Variants in GSS observed in about 807,000 individuals in gnomAD.
The protein encoded by GSS is GSH synthetase.
Under a neutral mutation model 60.4 loss-of-function variants are expected in GSS, and 34 were observed. The ratio of observed to expected loss-of-function variants is 0.56; its 90% confidence interval spans 0.43 to 0.75. The LOEUF (loss-of-function observed/expected upper bound fraction) is 0.75, where lower values mean the gene tolerates loss of function less well. Ranked by LOEUF, GSS falls within the 30% of genes least tolerant of loss-of-function variation. The pLI is 0.00. For missense variants in GSS, 499 were observed against 595.1 expected, an observed-to-expected ratio of 0.84 and a Z score of 1.68; for synonymous variants, 224 against 239.0, an observed-to-expected ratio of 0.94 and a Z score of 0.58.
chr20:34,953,203 C>A (rs890988068), intron 1 of GSS, among the ~76,000 whole-genome samples: 1 of 152,156 alleles, frequency 6.6e-6, no homozygotes, highest in Non-Finnish European at 1.5e-5. Flanking sequence ...TGCCCTGTTG[C>A]CATTTAACAG....
chr20:34,939,179 G>A (rs575973577), intron 6 of GSS, among the ~76,000 whole-genome samples: 2 of 152,306 alleles, frequency 1.3e-5, no homozygotes, highest in African/African-American at 4.8e-5. Context: ...GGTGGAGGAT[G>A]TAGTGAGCCG....
At position 34,932,128 on chromosome 20, in the gene GSS, C is replaced by T. The variant is rs771474268; in HGVS notation, c.840G>A (p.Trp280Ter). 1.9e-6 allele frequency: 3 copies of T among 1,613,214 alleles called. No individual in the cohort carries two copies. The highest frequency in any genetic ancestry group is 3.3e-5 in the Admixed American group (2 of 60,026). ...YMPRQYSLQN[W>*]EARLLLERSH... is the part of the protein sequence containing the mutation. ...ACCTCTCCAGCAGTAGACGTGCTTC[C>T]CAATTCTGCAGAGGGAAGAAGACAA... Residue 280 changes from tryptophan (W) to a stop codon, truncating the protein, a stop_gained, in exon 10 of 13, where the codon TGG becomes TGA. Transcript: ENST00000651619. LOFTEE classifies it high-confidence loss of function.
At chr20:34,947,788 C>G (rs1041342698) in intron 2 of GSS, among the ~76,000 whole-genome samples, 2 of 151,656 alleles carry the variant, frequency 1.3e-5, no homozygotes, top group Non-Finnish European at 2.9e-5. Flanking sequence ...TTTCCTATTA[C>G]CATTAATGTT....
Position 34,928,509 on chromosome 20 carries a change from T to G in GSS, c.*319A>C. 2.2e-6 allele frequency: 1 copy of G among 464,464 alleles called. No individual in the cohort carries two copies. Among genetic ancestry groups the G allele is most frequent in the East Asian group, 4.2e-5 (1 of 23,878 alleles). 28.8% of individuals were successfully genotyped at this position (464,464 alleles called of 1,614,324 possible). A position where few individuals can be genotyped will look rare whatever the true frequency, so the allele number is the denominator to read the frequency against. On this transcript the variant is annotated 3_prime_UTR_variant, in exon 13 of 13. Transcript: ENST00000651619. ...CCTCCACTCCCCCTCCTCCTACCAC[T>G]CAGTCCTATCCCAAGTCAGGCACTG... is the stretch of plus-strand genomic sequence containing the variant.
chr20:34,929,643 C>T, intron 11 of GSS, 53 bp from the exon 12 acceptor site: 2 of 1,512,108 alleles, frequency 1.3e-6, no homozygotes, highest in South Asian at 1.1e-5. Context: ...TCCTCCATCC[C>T]ATGCCCTCAC....
intron 1 of GSS, chr20:34,952,093 C>A: frequency 1.7e-6 from 1 of 571,586 alleles, no homozygotes; most frequent in Admixed American, 2.6e-5. Context: ...TGATTCCCAA[C>A]ACAATGGCAT....
In GSS at chr20:34,928,730, T is replaced by A; in HGVS notation, c.*98A>T. 1 of 1,390,934 alleles carries A rather than the reference T, an allele frequency of 7.2e-7. No homozygotes were observed. The allele number at this position is 1,390,934 out of a possible 1,614,324, so 86.2% of individuals were successfully genotyped here. A position where few individuals can be genotyped will look rare whatever the true frequency, so the allele number is the denominator to read the frequency against. On this transcript the variant is annotated 3_prime_UTR_variant, in exon 13 of 13. Coordinates refer to ENST00000651619, the MANE Select transcript of GSS (RefSeq NM_000178.4). ...GAAGGTACCAGTATTTACCCTTCCA[T>A]AAAAACTTTGGAGGTCTTTAGGAGG... is the stretch of plus-strand genomic sequence containing the variant.
chr20:34,929,557 G>T lies in GSS; in HGVS notation c.1145C>A (p.Ala382Asp), dbSNP rs1232815038. 8 of 1,614,014 alleles carry T rather than the reference G, an allele frequency of 5.0e-6. No homozygotes were observed. The highest frequency in any genetic ancestry group is 2.2e-5 in the East Asian group (1 of 44,866). ...NNLYGEEMVQ[A>D]LKQLKDSEER... is the part of the protein sequence containing the mutation. ...CTCACTGTCCTTCAGCTGTTTCAGG[G>T]CCTGTACCATTTCCTCCCCATATAG... Residue 382 changes from alanine to aspartate, a missense_variant, in exon 12 of 13, where the codon GCC becomes GAC. Transcript: ENST00000651619.
intron 2 of GSS, among the ~76,000 whole-genome samples, chr20:34,948,636 T>C (rs1310250308): frequency 6.6e-6 from 1 of 151,954 alleles, no homozygotes; most frequent in Non-Finnish European, 1.5e-5. Context: ...ATACAAAAAT[T>C]AGCTGGGCGT....
rs764348562 is a variant in GSS, at chr20:34,945,934, A to G, written c.275+19T>C. 61 of 1,613,430 alleles carry G rather than the reference A, an allele frequency of 3.8e-5. No homozygotes were observed. The highest frequency in any genetic ancestry group is 3.0e-4 in the Admixed American group (18 of 60,006). Reference sequence around the variant, plus strand: ...GGCTCTGGCAGCTCCTGGCCCCCCAATGCTTCACTGTCCCCTACCTGGAAA... The same window carrying G: ...GGCTCTGGCAGCTCCTGGCCCCCCAGTGCTTCACTGTCCCCTACCTGGAAA... On this transcript the variant is annotated intron_variant, in intron 3 of 12. Transcript: ENST00000651619.
chr20:34,953,546 TCCCTTC>T (rs200093867), intron 1 of GSS, among the ~76,000 whole-genome samples: 1,910 of 151,320 alleles, frequency 0.013, 17 homozygotes, highest in Non-Finnish European at 0.018. Flanking sequence ...CCTTTCCCTT[TCCCTTC>T]CCTCCTTCTT....
rs769034525 is a variant in GSS, at chr20:34,936,787, A to G, written c.743T>C (p.Leu248Pro). The change falls in exon 8 of 13, where the codon CTG becomes CCG. Residue 248 changes from leucine (L) to proline (P), a missense_variant. Leu to Pro is a moderately conservative substitution (Grantham distance 98). Coordinates refer to ENST00000651619, the MANE Select transcript of GSS (RefSeq NM_000178.4). ...TFEDISEKGS[L>P]DQDRRLFVDG... The stretch of plus-strand genomic sequence containing the variant: ...CACAAACAGCCTTCGGTCTTGGTCC[A>G]GAGACCCCTTTTCAGAGATATCTTC... 1 of 1,614,014 alleles carries G rather than the reference A, an allele frequency of 6.2e-7. No individual in the cohort carries two copies. The highest frequency in any genetic ancestry group is 1.7e-5 in the Admixed American group (1 of 60,028).
At chr20:34,942,393 A>G in intron 5 of GSS, 95 bp downstream of exon 5, 1 of 1,217,650 alleles carries the variant, frequency 8.2e-7, no homozygotes, top group Non-Finnish European at 1.2e-6. Context: ...CCAGGAAAGC[A>G]CAATCATAGC....
chr20:34,942,537 T>C lies in GSS; in HGVS notation c.442A>G (p.Ile148Val). ...PALKQIEINTISASFGGLASR... is the reference protein window; with the variant it reads ...PALKQIEINTVSASFGGLASR... Reference sequence around the variant, plus strand: ...GCCAGGCCCCCAAAGCTGGCAGAGATGGTGTTGATTTCGATCTGTTTCAGG... The same window carrying C: ...GCCAGGCCCCCAAAGCTGGCAGAGACGGTGTTGATTTCGATCTGTTTCAGG... Residue 148 changes from isoleucine (I) to valine (V), a missense_variant, in exon 5 of 13, where the codon ATC becomes GTC. Transcript: ENST00000651619. 12 of 1,613,896 alleles carry C rather than the reference T, an allele frequency of 7.4e-6. No homozygotes were observed. The highest frequency in any genetic ancestry group is 9.3e-6 in the Non-Finnish European group (11 of 1,179,846).
At chr20:34,952,843 T>C (rs1321726284) in intron 1 of GSS, 1 of 152,130 alleles carries the variant, frequency 6.6e-6, no homozygotes, top group Non-Finnish European at 1.5e-5. Context: ...ATAAATTACA[T>C]GGGAAGGGGG....
At chr20:34,953,313 C>T (rs532995976) in intron 1 of GSS, among the ~76,000 whole-genome samples, 2 of 152,306 alleles carry the variant, frequency 1.3e-5, no homozygotes, top group African/African-American at 4.8e-5. Flanking sequence ...CATGACAGAG[C>T]CAGTGCCAGG....
chr20:34,947,212 C>A (rs2081529634), intron 2 of GSS, among the ~76,000 whole-genome samples: 1 of 152,062 alleles, frequency 6.6e-6, no homozygotes, highest in Non-Finnish European at 1.5e-5. Context: ...CTCAGCCTCC[C>A]AAGTAGCTGA....
rs762222015 is a variant in GSS at position 34,928,817 on chromosome 20, T to C, written c.*11A>G. 2.5e-6 allele frequency: 4 copies of C among 1,613,980 alleles called. No individual in the cohort carries two copies. Among genetic ancestry groups the C allele is most frequent in the Non-Finnish European group, 3.4e-6 (4 of 1,179,970 alleles). On this transcript the variant is annotated 3_prime_UTR_variant, in exon 13 of 13. Coordinates refer to ENST00000651619, the MANE Select transcript of GSS (RefSeq NM_000178.4). ...ACAGAGGATAGAAGGTCCCGTGGCC[T>C]GGTTGTGCCCTCACACAGGGTATGG...
At chr20:34,944,857 T>C (rs562670839) in intron 3 of GSS, among the ~76,000 whole-genome samples, 32 of 152,292 alleles carry the variant, frequency 2.1e-4, no homozygotes, top group African/African-American at 6.5e-4. Context: ...TAGAGTCATG[T>C]GGTGTTCAAC....
Sources: gnomAD v4.1 joint callset for allele counts (sites outside exome capture counted in the v4.1 genomes callset) on GRCh38, gnomAD v4.1.1 for gene constraint, MANE v1.5 for transcripts, NCBI Gene and HGNC (gene_info 2026-07-23, HGNC 2026-07-21) for gene names.